DTWD2: variants seen among roughly 807,000 people sequenced by gnomAD.
DTWD2 encodes the protein tRNA-uridine aminocarboxypropyltransferase 2.
In DTWD2, 39 loss-of-function variants were observed where a neutral mutation model predicts 31.8. The ratio of observed to expected loss-of-function variants is 1.22; its 90% CI spans 0.95 to 1.60. The LOEUF (loss-of-function observed/expected upper bound fraction) is 1.60, where lower values mean the gene tolerates loss of function less well. Ranked by LOEUF, DTWD2 falls within the 40% of genes most tolerant of loss-of-function variation. The probability of loss-of-function intolerance (pLI) is 0.00; values close to 1 mark genes in which losing one functional copy is unlikely to be tolerated. For missense variants in DTWD2, 515 were observed against 381.5 expected, an observed-to-expected ratio of 1.35 and a Z score of -2.92; for synonymous variants, 180 against 142.8, an observed-to-expected ratio of 1.26 and a Z score of -1.86.
chr5:118,973,667 T>C (rs1170183390), intron 1 of DTWD2: 2 of 991,608 alleles, frequency 2.0e-6, no homozygotes, highest in South Asian at 1.4e-5. Flanking sequence ...GGCAGCCTCC[T>C]TGCTCGCCGC....
intron 2 of DTWD2, among the ~76,000 whole-genome samples, chr5:118,942,840 C>T (rs2149585460): frequency 6.6e-6 from 1 of 151,858 alleles, no homozygotes; most frequent in East Asian, 1.9e-4. Flanking sequence ...TCTTGCTGTA[C>T]AGCCCAAGCT....
At chr5:118,866,237 C>T (rs955982875) in intron 4 of DTWD2, among the ~76,000 whole-genome samples, 3 of 152,108 alleles carry the variant, frequency 2.0e-5, no homozygotes, top group African/African-American at 4.8e-5. Flanking sequence ...GAATTAGTTT[C>T]CTCACAGAGA....
At chr5:118,879,936 T>C (rs1315438992) in intron 4 of DTWD2, among the ~76,000 whole-genome samples, 1 of 152,196 alleles carries the variant, frequency 6.6e-6, no homozygotes, top group African/African-American at 2.4e-5. Flanking sequence ...AACCTGCCCA[T>C]GTACCCCTAA....
intron 4 of DTWD2, among the ~76,000 whole-genome samples, chr5:118,857,082 G>T (rs12652256): frequency 2.6e-5 from 4 of 151,800 alleles, no homozygotes; most frequent in African/African-American, 9.7e-5. Flanking sequence ...CGGCAGCTTA[G>T]ATTTTTACTG....
intron 4 of DTWD2, among the ~76,000 whole-genome samples, chr5:118,899,884 C>T (rs553000643): frequency 2.7e-5 from 4 of 150,812 alleles, no homozygotes; most frequent in African/African-American, 9.8e-5. Context: ...TCACTGCAAC[C>T]TCCGCCTCTC....
chr5:118,961,867 T>C (rs1754713537), intron 1 of DTWD2, among the ~76,000 whole-genome samples: 1 of 152,132 alleles, frequency 6.6e-6, no homozygotes, highest in South Asian at 2.1e-4. Context: ...AAAGAAAATA[T>C]ATTGATTTAG....
intron 4 of DTWD2, among the ~76,000 whole-genome samples, chr5:118,880,538 T>C (rs1752718056): frequency 6.6e-6 from 1 of 152,138 alleles, no homozygotes; most frequent in African/African-American, 2.4e-5. Flanking sequence ...ACAGATTATC[T>C]CAATTCTCAT....
At chr5:118,846,730 G>A (rs1012035871) in intron 5 of DTWD2, among the ~76,000 whole-genome samples, 2 of 152,004 alleles carry the variant, frequency 1.3e-5, no homozygotes, top group African/African-American at 4.8e-5. Flanking sequence ...ACACATATGG[G>A]GTATATAAAG....
intron 4 of DTWD2, among the ~76,000 whole-genome samples, chr5:118,877,405 G>A: frequency 6.6e-6 from 1 of 152,064 alleles, no homozygotes; most frequent in Non-Finnish European, 1.5e-5. Flanking sequence ...CCAGGAGATG[G>A]AGCTTGCAGT....
chr5:118,950,915 A>G (rs1211555522), intron 1 of DTWD2, among the ~76,000 whole-genome samples: 1 of 152,086 alleles, frequency 6.6e-6, no homozygotes, highest in East Asian at 1.9e-4. Flanking sequence ...CTTTTTTTAA[A>G]CGTCAGGAGC....
At chr5:118,942,557 C>A (rs2149585363) in intron 2 of DTWD2, among the ~76,000 whole-genome samples, 1 of 151,652 alleles carries the variant, frequency 6.6e-6, no homozygotes, top group South Asian at 2.1e-4. Flanking sequence ...CGCCCGTAAT[C>A]CTAGCACTGT....
At chr5:118,894,463 C>T (rs538196483) in intron 4 of DTWD2, among the ~76,000 whole-genome samples, 8 of 152,192 alleles carry the variant, frequency 5.3e-5, no homozygotes, top group African/African-American at 1.9e-4. Context: ...CACAAAGCTA[C>T]AATAATCATA....
chr5:118,840,872 T>C lies in DTWD2; in HGVS notation c.*45A>G. ...AACTATATGAAAACTTAATTTGGTA[T>C]TGTTAGATGAAGACAGTTAAGCTAG... On this transcript the variant is annotated 3_prime_UTR_variant, in exon 6 of 6. Coordinates refer to ENST00000510708, the MANE Select transcript of DTWD2 (RefSeq NM_173666.4). 6.3e-7 allele frequency: 1 copy of C among 1,576,646 alleles called. No homozygotes were observed. Among genetic ancestry groups the C allele is most frequent in the Non-Finnish European group, 8.6e-7 (1 of 1,162,992 alleles).
intron 4 of DTWD2, among the ~76,000 whole-genome samples, chr5:118,885,256 A>G (rs1163018556): frequency 6.6e-6 from 1 of 151,742 alleles, no homozygotes; most frequent in African/African-American, 2.4e-5. Context: ...GATCGAGACC[A>G]TCCTGGCCAA....
At chr5:118,870,696 GT>G (rs1316860567) in intron 4 of DTWD2, among the ~76,000 whole-genome samples, 2 of 152,154 alleles carry the variant, frequency 1.3e-5, no homozygotes, top group Non-Finnish European at 1.5e-5. Context: ...CAGAGTGGAG[GT>G]TGCTAAAGGT....
intron 4 of DTWD2, among the ~76,000 whole-genome samples, chr5:118,851,156 T>C (rs1298430963): frequency 6.8e-6 from 1 of 147,052 alleles, no homozygotes; most frequent in Non-Finnish European, 1.5e-5. Flanking sequence ...GAGGCAGAGA[T>C]TACAGTGAGC....
At position 118,914,004 on chromosome 5, in the gene DTWD2, T is replaced by C. The variant is rs529637721; in HGVS notation, c.597+14533A>G. 2.9e-4 allele frequency among the ~76,000 whole-genome samples: 44 copies of C among 152,268 alleles called. No homozygotes were observed. In the South Asian group the frequency reaches 5.2e-3, roughly 18 times the overall value. ...AATAAAATAAATTAATATGTATTAA[T>C]GCATGACCTTTTCTTTGTATTTTAT... is the stretch of plus-strand genomic sequence containing the variant. On this transcript the variant is annotated intron_variant, in intron 4 of 5. Transcript: ENST00000510708.
chr5:118,952,184 G>A (rs1754480906), intron 1 of DTWD2, among the ~76,000 whole-genome samples: 1 of 152,176 alleles, frequency 6.6e-6, no homozygotes. Flanking sequence ...GGTCGTAGAT[G>A]GATCTTTCTC....
chr5:118,840,470 T>C lies in DTWD2; in HGVS notation c.*447A>G, dbSNP rs1245073856. On this transcript the variant is annotated 3_prime_UTR_variant, in exon 6 of 6. Transcript: ENST00000510708. ...TAATAAATTACTTGATTATCATAAT[T>C]TTCTTTTGCTACTTATTTCAAACTG... The C allele has an allele frequency of 6.6e-6, 1 of 152,250 alleles. No individual in the cohort carries two copies. Among genetic ancestry groups the C allele is most frequent in the African/African-American group, 2.4e-5 (1 of 41,460 alleles). The allele number at this position is 152,250 out of a possible 1,614,324, so 9.4% of individuals were successfully genotyped here.
Sources: gnomAD v4.1 joint callset for allele counts (sites outside exome capture counted in the v4.1 genomes callset) on GRCh38, gnomAD v4.1.1 for gene constraint, MANE v1.5 for transcripts, NCBI Gene and HGNC (gene_info 2026-07-23, HGNC 2026-07-21) for gene names.